Variants in TMEM117 observed in about 807,000 individuals in gnomAD.
TMEM117 encodes the protein transmembrane protein 117.
TMEM117 carries 27 observed loss-of-function variants against 52.4 expected under a neutral mutation model. That is an observed-to-expected ratio of 0.51 (90% CI 0.38 to 0.71). The LOEUF (loss-of-function observed/expected upper bound fraction) is 0.71, where lower values mean the gene tolerates loss of function less well. TMEM117 is among the 30% of genes least tolerant of loss of function. The pLI is 0.00. For missense variants in TMEM117, 556 were observed against 630.5 expected, an observed-to-expected ratio of 0.88 and a Z score of 1.26; for synonymous variants, 215 against 206.3, an observed-to-expected ratio of 1.04 and a Z score of -0.36.
intron 5 of TMEM117, among the ~76,000 whole-genome samples, chr12:44,237,640 C>G (rs1358545633): frequency 6.6e-6 from 1 of 151,786 alleles, no homozygotes; most frequent in Non-Finnish European, 1.5e-5. Flanking sequence ...TTGGTTGAAC[C>G]CAGAAGGTGG....
intron 5 of TMEM117, among the ~76,000 whole-genome samples, chr12:44,284,698 T>C (rs1163539338): frequency 6.6e-6 from 1 of 152,222 alleles, no homozygotes; most frequent in Non-Finnish European, 1.5e-5. Flanking sequence ...TCAGGTCAAA[T>C]AGATGAATTT....
chr12:44,077,529 A>G (rs770134083), intron 3 of TMEM117, among the ~76,000 whole-genome samples: 1 of 152,144 alleles, frequency 6.6e-6, no homozygotes, highest in African/African-American at 2.4e-5. Flanking sequence ...GTGGCCAAAC[A>G]TCATGTAACA....
chr12:44,350,499 C>T (rs1460796098), intron 6 of TMEM117, among the ~76,000 whole-genome samples: 2 of 151,940 alleles, frequency 1.3e-5, no homozygotes, highest in Non-Finnish European at 2.9e-5. Context: ...TTGTTTCTAA[C>T]TATTTTTTGT....
chr12:44,078,028 C>CA (rs1398466585), intron 3 of TMEM117, among the ~76,000 whole-genome samples: 1 of 151,404 alleles, frequency 6.6e-6, no homozygotes, highest in Non-Finnish European at 1.5e-5. Context: ...AAAAGAAATG[C>CA]AAAAAACCAA....
At chr12:44,026,179 C>A (rs1295042382) in intron 3 of TMEM117, among the ~76,000 whole-genome samples, 1 of 152,212 alleles carries the variant, frequency 6.6e-6, no homozygotes, top group Non-Finnish European at 1.5e-5. Flanking sequence ...ACTTGGCTTG[C>A]TCCTTGCTGT....
intron 3 of TMEM117, among the ~76,000 whole-genome samples, chr12:44,068,333 T>A (rs1947252683): frequency 6.6e-6 from 1 of 152,216 alleles, no homozygotes; most frequent in South Asian, 2.1e-4. Context: ...GGCTAACTGG[T>A]GCTAAGGGCC....
At chr12:43,830,424 T>C in the TMEM117 span, among the ~76,000 whole-genome samples, 87 of 151,780 alleles carry the variant, frequency 5.7e-4, 2 homozygotes, top group South Asian at 0.018. Context: ...CTGACTAACA[T>C]GGTGAAACCC....
chr12:44,130,753 A>C (rs1211719431), intron 3 of TMEM117, among the ~76,000 whole-genome samples: 1 of 152,000 alleles, frequency 6.6e-6, no homozygotes, highest in African/African-American at 2.4e-5. Context: ...GTAATTTGTA[A>C]ATGTTTTTTT....
At chr12:44,068,254 T>C (rs1947251774) in intron 3 of TMEM117, among the ~76,000 whole-genome samples, 1 of 152,236 alleles carries the variant, frequency 6.6e-6, no homozygotes, top group Admixed American at 6.5e-5. Context: ...TGCTATCTTA[T>C]CATTAGTGTG....
At chr12:43,850,396 C>G (rs1943286142) in intron 2 of TMEM117, among the ~76,000 whole-genome samples, 1 of 152,198 alleles carries the variant, frequency 6.6e-6, no homozygotes, top group Non-Finnish European at 1.5e-5. Context: ...TATTTATGAT[C>G]TACTTCTTCC....
chr12:44,017,504 C>T (rs1306563765), intron 3 of TMEM117, among the ~76,000 whole-genome samples: 1 of 151,960 alleles, frequency 6.6e-6, no homozygotes, highest in Admixed American at 6.6e-5. Context: ...CCATGAATCA[C>T]TTGGAAAATA....
chr12:44,019,640 T>C (rs1946426386), intron 3 of TMEM117, among the ~76,000 whole-genome samples: 1 of 152,268 alleles, frequency 6.6e-6, no homozygotes, highest in Non-Finnish European at 1.5e-5. Context: ...AAATGTAATT[T>C]CTGATTAATT....
intron 4 of TMEM117, among the ~76,000 whole-genome samples, chr12:44,159,449 C>T (rs1948870425): frequency 1.3e-5 from 2 of 151,882 alleles, no homozygotes; most frequent in Middle Eastern, 3.2e-3. Context: ...AAAACAAATG[C>T]AGAGGTGTGA....
chr12:43,990,616 G>A (rs1945922555), intron 3 of TMEM117, among the ~76,000 whole-genome samples: 1 of 152,032 alleles, frequency 6.6e-6, no homozygotes, highest in Non-Finnish European at 1.5e-5. Context: ...ACATTAATTA[G>A]GATTTAGTGT....
chr12:44,002,109 G>C (rs1370114303), intron 3 of TMEM117, among the ~76,000 whole-genome samples: 1 of 152,126 alleles, frequency 6.6e-6, no homozygotes. Flanking sequence ...CCCTCCAAGA[G>C]GAACAACAAC....
chr12:44,203,043 T>C lies in TMEM117; in HGVS notation c.511-8247T>C, dbSNP rs918111241. On this transcript the variant is annotated intron_variant, in intron 4 of 7. Coordinates refer to ENST00000266534, the MANE Select transcript of TMEM117 (RefSeq NM_032256.3). ...CTTTTGACCTCAGGTGATCTGACCA[T>C]CTTGGCCTCCCAAAATGCTGGGATT... Among the ~76,000 whole-genome samples, 3 of 152,144 alleles carry C rather than the reference T, an allele frequency of 2.0e-5. No individual in the cohort carries two copies. The East Asian group carries it at 5.8e-4, about 29-fold the overall frequency.
chr12:44,314,955 G>A (rs1951035951), intron 6 of TMEM117, among the ~76,000 whole-genome samples: 1 of 152,102 alleles, frequency 6.6e-6, no homozygotes, highest in African/African-American at 2.4e-5. Context: ...TATGTTCAAT[G>A]TTTCAATTTC....
intron 2 of TMEM117, among the ~76,000 whole-genome samples, chr12:43,910,159 C>T (rs1189093031): frequency 2.3e-4 from 33 of 146,184 alleles, no homozygotes; most frequent in African/African-American, 7.5e-4. Context: ...ATCAAGTGGG[C>T]TTCATCCCTG....
At chr12:43,956,618 C>A (rs55656444) in intron 3 of TMEM117, among the ~76,000 whole-genome samples, 15,496 of 151,840 alleles carry the variant, frequency 0.1, 969 homozygotes, top group Middle Eastern at 0.22. Flanking sequence ...CCATCTCATG[C>A]CAGTCAGAAT....
Sources: allele counts gnomAD v4.1 joint callset (sites outside exome capture counted in the v4.1 genomes callset), GRCh38; gene constraint gnomAD v4.1.1; transcripts MANE v1.5; gene names NCBI Gene and HGNC (gene_info 2026-07-23, HGNC 2026-07-21).